Variants in MYBL2 observed in about 807,000 individuals in gnomAD.
The protein encoded by MYBL2 is MYB proto-oncogene like 2.
MYBL2 carries 28 observed loss-of-function variants against 79.9 expected under a neutral mutation model. That is an observed-to-expected ratio of 0.35 (90% CI 0.26 to 0.48). The LOEUF (loss-of-function observed/expected upper bound fraction) is 0.48. Among genes scored for constraint, MYBL2 ranks in the 20% least tolerant of loss-of-function variants. The probability of loss-of-function intolerance (pLI) is 0.99; values close to 1 mark genes in which losing one functional copy is unlikely to be tolerated. For synonymous variants in MYBL2, 378 were observed against 361.2 expected (o/e 1.05, Z -0.53); for missense variants, 735 against 893.9 (o/e 0.82, Z 2.27).
chr20:43,715,248 C>T lies in MYBL2; in HGVS notation c.1939C>T (p.Gln647Ter). The T allele has an allele frequency of 6.2e-7, 1 of 1,614,244 alleles. No homozygotes were observed. The highest frequency in any genetic ancestry group is 8.5e-7 in the Non-Finnish European group (1 of 1,180,044). Residue 647 changes from glutamine (Q) to a stop codon, truncating the protein, a stop_gained, in exon 13 of 14, where the codon CAG becomes TAG. Coordinates refer to ENST00000217026, the MANE Select transcript of MYBL2 (RefSeq NM_002466.4). LOFTEE classifies it high-confidence loss of function. ...QAKPEKAAVA[Q>*]KPRSHFTTPA... The stretch of plus-strand genomic sequence containing the variant: ...CAAGCCCGAGAAGGCAGCAGTGGCC[C>T]AGAAGCCCCGAAGCCACTTCACGAC...
chr20:43,699,986 ACCT>A lies in MYBL2; in HGVS notation c.898_900del (p.Leu300del). The A allele has an allele frequency of 2.5e-6, 4 of 1,613,992 alleles. No individual in the cohort carries two copies. Among genetic ancestry groups the A allele is most frequent in the Non-Finnish European group, 3.4e-6 (4 of 1,179,996 alleles). The stretch of plus-strand genomic sequence containing the variant: ...TACAAGTGGGTGGTGGAGGCAGCTA[ACCT>A]CCTCATCCCTGCTGTGGGTTCTAGC... On this transcript the variant is annotated inframe_deletion, in exon 7 of 14. Transcript: ENST00000217026.
chr20:43,675,287 C>T (rs1426706183), intron 2 of MYBL2, among the ~76,000 whole-genome samples: 1 of 151,872 alleles, frequency 6.6e-6, no homozygotes, highest in Non-Finnish European at 1.5e-5. Context: ...GCCAAATGCC[C>T]CTTTTTATGG....
At chr20:43,672,604 T>C (rs550964822) in intron 1 of MYBL2, among the ~76,000 whole-genome samples, 1 of 152,216 alleles carries the variant, frequency 6.6e-6, no homozygotes, top group East Asian at 1.9e-4. Flanking sequence ...TAGCCAGGCA[T>C]AGTGTCATAT....
At chr20:43,685,914 G>A (rs1415094491) in intron 4 of MYBL2, among the ~76,000 whole-genome samples, 7 of 152,118 alleles carry the variant, frequency 4.6e-5, no homozygotes, top group African/African-American at 1.7e-4. Context: ...GTGCATGCCT[G>A]TAATCTCAGC....
At chr20:43,669,961 G>A (rs528064102) in intron 1 of MYBL2, among the ~76,000 whole-genome samples, 40 of 152,260 alleles carry the variant, frequency 2.6e-4, no homozygotes, top group East Asian at 1.5e-3. Context: ...AAAATTAGCC[G>A]GGCGTGGTGG....
intron 1 of MYBL2, among the ~76,000 whole-genome samples, chr20:43,668,643 A>G (rs1229824497): frequency 1.3e-5 from 2 of 150,586 alleles, no homozygotes; most frequent in Non-Finnish European, 2.9e-5. Flanking sequence ...GCCAATGTCC[A>G]GGAAGAGTTT....
intron 2 of MYBL2, among the ~76,000 whole-genome samples, chr20:43,676,219 C>G (rs1987005946): frequency 6.6e-6 from 1 of 152,030 alleles, no homozygotes; most frequent in African/African-American, 2.4e-5. Flanking sequence ...GCACCCAGCC[C>G]CAATAGGTAG....
Position 43,692,229 on chromosome 20 carries a change from C to T in MYBL2, c.573C>T (p.Ser191=), listed in dbSNP as rs776629060. ...AGGTGGACACAGGAGGCTTCTTGAG[C>T]GAGTCCAAAGACTGCAAGCCCCCAG... The part of the protein sequence containing the change: ...KRKVDTGGFL[S]ESKDCKPPVY... Residue 191 remains serine (S), a synonymous_variant, in exon 6 of 14, where the codon AGC becomes AGT. Coordinates refer to ENST00000217026, the MANE Select transcript of MYBL2 (RefSeq NM_002466.4). 9.9e-6 allele frequency: 16 copies of T among 1,614,028 alleles called. No homozygotes were observed. In the East Asian group the frequency reaches 1.1e-4, roughly 11 times the overall value.
At position 43,715,408 on chromosome 20, in the gene MYBL2, G is replaced by T. The variant is rs1988009365; in HGVS notation, c.1974+125G>T. On this transcript the variant is annotated intron_variant, in intron 13 of 13. Coordinates refer to ENST00000217026, the MANE Select transcript of MYBL2 (RefSeq NM_002466.4). ...TTAGCTCAGGGCCTTTGCATAGGCTGTTCCTCTGCCTGGGTGCTTTTCCTG... is the reference window on the plus strand; with the variant it reads ...TTAGCTCAGGGCCTTTGCATAGGCTTTTCCTCTGCCTGGGTGCTTTTCCTG... 10 of 1,467,512 alleles carry T rather than the reference G, an allele frequency of 6.8e-6. No homozygotes were observed. The South Asian group carries it at 1.3e-4, about 19-fold the overall frequency. The allele number at this position is 1,467,512 out of a possible 1,614,324, so 90.9% of individuals were successfully genotyped here.
intron 2 of MYBL2, among the ~76,000 whole-genome samples, chr20:43,674,227 C>CG (rs920828209): frequency 7.3e-5 from 8 of 109,472 alleles, no homozygotes; most frequent in Non-Finnish European, 4.1e-5. Flanking sequence ...CTGTAACTCC[C>CG]CCCACCCTTT....
At chr20:43,700,335 A>G (rs1987652630) in intron 7 of MYBL2, among the ~76,000 whole-genome samples, 1 of 152,170 alleles carries the variant, frequency 6.6e-6, no homozygotes, top group Admixed American at 6.5e-5. Flanking sequence ...CACTGAACTG[A>G]GTCCTAAAGG....
At chr20:43,677,050 G>A (rs1014818477) in intron 2 of MYBL2, among the ~76,000 whole-genome samples, 3 of 152,050 alleles carry the variant, frequency 2.0e-5, no homozygotes, top group African/African-American at 7.2e-5. Context: ...AGCTTGTTTT[G>A]TTTTTTCTAA....
chr20:43,682,780 T>C lies in MYBL2; in HGVS notation c.187-14T>C. The C allele has an allele frequency of 1.9e-6, 3 of 1,613,466 alleles. No homozygotes were observed. The highest frequency in any genetic ancestry group is 1.7e-6 in the Non-Finnish European group (2 of 1,179,456). On this transcript the variant is annotated splice_polypyrimidine_tract_variant and intron_variant, in intron 3 of 13. Transcript: ENST00000217026. ...GTTCTCACAGATTGGTTTGTTCTTC[T>C]GTTCTTTTCCCAGAACCGCACTGAC...
intron 5 of MYBL2, among the ~76,000 whole-genome samples, chr20:43,688,337 G>A (rs1298820750): frequency 6.6e-6 from 1 of 151,972 alleles, no homozygotes; most frequent in East Asian, 1.9e-4. Flanking sequence ...AAGTAGCTGG[G>A]ACTACAGGTC....
intron 9 of MYBL2, among the ~76,000 whole-genome samples, chr20:43,706,719 G>GTTTTTTTTGTTTT: frequency 1.4e-5 from 1 of 70,782 alleles, no homozygotes; most frequent in African/African-American, 6.0e-5. Flanking sequence ...AAAAAAAAAA[G>GTTTTTTTTGTTTT]TTTTTTTTTT....
rs1395618578 is a variant in MYBL2, at chr20:43,667,153, A to G, written c.-131A>G. ...CGAGCGAGGAGCGCGGGACCTGCTG[A>G]CACGCTGACGCCTTCGAGCGCGGCC... On this transcript the variant is annotated 5_prime_UTR_variant, in exon 1 of 14. Coordinates refer to ENST00000217026, the MANE Select transcript of MYBL2 (RefSeq NM_002466.4). 2 of 437,038 alleles carry G rather than the reference A, an allele frequency of 4.6e-6. No individual in the cohort carries two copies. The highest frequency in any genetic ancestry group is 1.2e-4 in the East Asian group (2 of 16,740). 27.1% of individuals were successfully genotyped at this position (437,038 alleles called of 1,614,324 possible). A position where few individuals can be genotyped will look rare whatever the true frequency, so the allele number is the denominator to read the frequency against.
chr20:43,704,359 T>C (rs1264371831), intron 8 of MYBL2, among the ~76,000 whole-genome samples: 1 of 152,140 alleles, frequency 6.6e-6, no homozygotes, highest in African/African-American at 2.4e-5. Context: ...ATTAATACAG[T>C]CCCATTCTGA....
At chr20:43,705,147 T>C in intron 8 of MYBL2, 72 bp from the exon 9 acceptor site, 4 of 1,556,934 alleles carry the variant, frequency 2.6e-6, no homozygotes, top group Non-Finnish European at 3.5e-6. Flanking sequence ...TCTCTCCCCA[T>C]GATCCCCTGA....
At chr20:43,709,205 G>A (rs569696844) in intron 9 of MYBL2, among the ~76,000 whole-genome samples, 3 of 152,238 alleles carry the variant, frequency 2.0e-5, no homozygotes, top group Non-Finnish European at 2.9e-5. Flanking sequence ...GTCAGCCATG[G>A]TGGTATCTCC....
Sources: gnomAD v4.1 joint callset for allele counts (sites outside exome capture counted in the v4.1 genomes callset) on GRCh38, gnomAD v4.1.1 for gene constraint, MANE v1.5 for transcripts, NCBI Gene and HGNC (gene_info 2026-07-23, HGNC 2026-07-21) for gene names.